NTM: variants seen among roughly 807,000 people sequenced by gnomAD.
NTM encodes IgLON family member 2.
A neutral mutation model predicts 42.1 loss-of-function variants in NTM; 13 were observed. That is an observed-to-expected ratio of 0.31 (90% CI 0.20 to 0.49). The LOEUF (loss-of-function observed/expected upper bound fraction) is 0.49. Among genes scored for constraint, NTM ranks in the 20% least tolerant of loss-of-function variants. The pLI, the probability that NTM is intolerant of heterozygous loss-of-function variation, is 0.99. For synonymous variants in NTM, 187 were observed against 179.2 expected (o/e 1.04, Z -0.35); for missense variants, 373 against 452.8 (o/e 0.82, Z 1.60).
At chr11:131,438,565 G>C (rs543337194) in intron 1 of NTM, among the ~76,000 whole-genome samples, 156 of 152,110 alleles carry the variant, frequency 1.0e-3, no homozygotes, top group African/African-American at 2.6e-3. Flanking sequence ...TCTTCCACTT[G>C]ATCGAATCGG....
chr11:131,598,774 CTTTCTTTCTTCTTTCTTTCTTTCTT>C (rs2060116767), intron 1 of NTM, among the ~76,000 whole-genome samples: 3 of 65,606 alleles, frequency 4.6e-5, no homozygotes, highest in African/African-American at 1.2e-4. Flanking sequence ...TTTTTTCTTT[CTTTCTTTCTTCTTTCTTTCTTTCTT>C]TTTCTTTCTT....
At chr11:131,639,982 A>C (rs892982988) in intron 1 of NTM, among the ~76,000 whole-genome samples, 8 of 141,632 alleles carry the variant, frequency 5.6e-5, no homozygotes, top group Non-Finnish European at 1.1e-4. Context: ...AATAAATAAT[A>C]AAATAAAAAT....
At chr11:132,307,937 C>T (rs1281644564) in intron 5 of NTM, 114 bp downstream of exon 5, 7 of 955,422 alleles carry the variant, frequency 7.3e-6, no homozygotes, top group Middle Eastern at 6.3e-4. Flanking sequence ...GGGAAGAATG[C>T]AGCACCACTT....
At position 131,714,405 on chromosome 11, in the gene NTM, C is replaced by T. The variant is rs534514011; in HGVS notation, c.83-197159C>T. On this transcript the variant is annotated intron_variant, in intron 1 of 8. Transcript: ENST00000683400. The stretch of plus-strand genomic sequence containing the variant: ...GGAGTTTCACCATGTTGGCCAGGCT[C>T]GTCTTGAACTCCTGACTTCAGGTGA... Among the ~76,000 whole-genome samples, 8 of 152,088 alleles carry T rather than the reference C, an allele frequency of 5.3e-5. No homozygotes were observed. The East Asian group carries it at 1.2e-3, about 22-fold the overall frequency.
rs1299694859 is a variant in NTM at position 132,323,000 on chromosome 11, T to C, written c.935-7153T>C. Among the ~76,000 whole-genome samples the C allele has an allele frequency of 6.6e-5, 9 of 136,872 alleles. No individual in the cohort carries two copies. In the East Asian group the frequency reaches 1.9e-3, roughly 29 times the overall value. 89.8% of individuals were successfully genotyped at this position (136,872 alleles called of 152,430 possible). On this transcript the variant is annotated intron_variant, in intron 7 of 8. Coordinates refer to ENST00000683400, the MANE Select transcript of NTM (RefSeq NM_001352005.2). Reference sequence around the variant, plus strand: ...AACCAATGAGAACAAAGACACAACATACCAGAATCTCTGGGACGCATTCAA... The same window carrying C: ...AACCAATGAGAACAAAGACACAACACACCAGAATCTCTGGGACGCATTCAA...
intron 2 of NTM, among the ~76,000 whole-genome samples, chr11:132,063,802 T>C (rs1180100673): frequency 6.6e-6 from 1 of 152,174 alleles, no homozygotes; most frequent in African/African-American, 2.4e-5. Flanking sequence ...GGTATGTGAG[T>C]CTGTCTCCAC....
At chr11:131,525,747 G>A (rs1393032264) in intron 1 of NTM, among the ~76,000 whole-genome samples, 2 of 152,142 alleles carry the variant, frequency 1.3e-5, no homozygotes, top group South Asian at 2.1e-4. Flanking sequence ...TTTCCTAGAT[G>A]TATGAACTTT....
chr11:132,227,815 G>A (rs1239968452), intron 4 of NTM, among the ~76,000 whole-genome samples: 1 of 152,084 alleles, frequency 6.6e-6, no homozygotes, highest in Non-Finnish European at 1.5e-5. Flanking sequence ...CAGCCCTAAT[G>A]AGGATTCCAC....
chr11:131,957,873 T>C (rs2061720772), intron 2 of NTM, among the ~76,000 whole-genome samples: 1 of 151,720 alleles, frequency 6.6e-6, no homozygotes, highest in African/African-American at 2.4e-5. Flanking sequence ...GTTGTGTGTG[T>C]GTGTGTATTA....
At chr11:132,058,710 A>G (rs1036700635) in intron 2 of NTM, among the ~76,000 whole-genome samples, 1 of 152,174 alleles carries the variant, frequency 6.6e-6, no homozygotes, top group African/African-American at 2.4e-5. Flanking sequence ...AGCCACCTAA[A>G]ACAGGAAGTT....
chr11:131,689,720 C>T (rs759481213), intron 1 of NTM, among the ~76,000 whole-genome samples: 1 of 152,150 alleles, frequency 6.6e-6, no homozygotes, highest in Non-Finnish European at 1.5e-5. Flanking sequence ...TGTCCCATCT[C>T]CCCTCCCATA....
chr11:132,135,319 C>T (rs560844795), intron 2 of NTM, among the ~76,000 whole-genome samples: 2 of 152,350 alleles, frequency 1.3e-5, no homozygotes, highest in Admixed American at 6.5e-5. Flanking sequence ...ACCTTCCTTT[C>T]CTTGCAGCCT....
At chr11:131,664,780 A>G (rs1229776640) in intron 1 of NTM, among the ~76,000 whole-genome samples, 2 of 94,348 alleles carry the variant, frequency 2.1e-5, no homozygotes, top group African/African-American at 4.5e-5. Context: ...TTTTTTTTTT[A>G]GATTTTAATA....
intron 1 of NTM, among the ~76,000 whole-genome samples, chr11:131,583,712 C>T (rs954415390): frequency 2.0e-5 from 3 of 152,154 alleles, no homozygotes; most frequent in South Asian, 2.1e-4. Context: ...CATCACACAA[C>T]GAATTGGAGG....
chr11:131,947,803 T>G (rs1719030633), intron 2 of NTM, among the ~76,000 whole-genome samples: 1 of 152,108 alleles, frequency 6.6e-6, no homozygotes, highest in African/African-American at 2.4e-5. Flanking sequence ...CTCCTAGGGT[T>G]TTGTGATTAG....
intron 1 of NTM, among the ~76,000 whole-genome samples, chr11:131,755,977 G>T (rs1371299124): frequency 2.0e-5 from 3 of 152,226 alleles, no homozygotes; most frequent in Admixed American, 6.5e-5. Context: ...CATTGGCCAG[G>T]AGATATCACT....
chr11:131,992,516 A>G (rs2067211304), intron 2 of NTM, among the ~76,000 whole-genome samples: 1 of 152,008 alleles, frequency 6.6e-6, no homozygotes, highest in African/African-American at 2.4e-5. Context: ...TTTGCTTCAA[A>G]AACAGGCACC....
chr11:132,195,374 A>G (rs1340216008), intron 3 of NTM, among the ~76,000 whole-genome samples: 2 of 152,156 alleles, frequency 1.3e-5, no homozygotes, highest in Non-Finnish European at 2.9e-5. Context: ...ATACTTCCCA[A>G]ACCAATTTAC....
At chr11:131,881,894 A>G (rs2049589593) in intron 1 of NTM, among the ~76,000 whole-genome samples, 2 of 152,226 alleles carry the variant, frequency 1.3e-5, no homozygotes, top group East Asian at 3.9e-4. Flanking sequence ...CTTGCAGGAC[A>G]GAAGGTTGCG....
Sources: allele counts gnomAD v4.1 joint callset (sites outside exome capture counted in the v4.1 genomes callset), GRCh38; gene constraint gnomAD v4.1.1; transcripts MANE v1.5; gene names NCBI Gene and HGNC (gene_info 2026-07-23, HGNC 2026-07-21).